ITSN1: variants seen among roughly 807,000 people sequenced by gnomAD.
ITSN1 encodes the protein intersectin 1.
In ITSN1, 58 loss-of-function variants were observed where a neutral mutation model predicts 239.8. The ratio of observed to expected loss-of-function variants is 0.24; its 90% CI spans 0.20 to 0.30. The LOEUF (loss-of-function observed/expected upper bound fraction) is 0.30. ITSN1 is among the 10% of genes least tolerant of loss of function. The pLI, the probability that ITSN1 is intolerant of heterozygous loss-of-function variation, is 1.00. For synonymous variants in ITSN1, 780 were observed against 770.8 expected (o/e 1.01, Z -0.20); for missense variants, 1,558 against 2,103.3 (o/e 0.74, Z 5.07).
At chr21:33,775,728 C>T (rs1039293721) in intron 14 of ITSN1, among the ~76,000 whole-genome samples, 1 of 152,152 alleles carries the variant, frequency 6.6e-6, no homozygotes, top group Non-Finnish European at 1.5e-5. Context: ...ACCTGTAGTC[C>T]ACCAACAGGA....
intron 22 of ITSN1, chr21:33,817,311 G>A: frequency 7.7e-7 from 1 of 1,304,406 alleles, no homozygotes; most frequent in South Asian, 1.2e-5. Flanking sequence ...ACCCCCTGCA[G>A]TGTTCCACCT....
At chr21:33,825,378 A>C (rs1416944410) in intron 25 of ITSN1, among the ~76,000 whole-genome samples, 1 of 152,202 alleles carries the variant, frequency 6.6e-6, no homozygotes, top group Non-Finnish European at 1.5e-5. Flanking sequence ...TGAATACAGA[A>C]TTCAGTGTAA....
At chr21:33,869,054 C>A (rs1025312307) in intron 33 of ITSN1, among the ~76,000 whole-genome samples, 1 of 151,990 alleles carries the variant, frequency 6.6e-6, no homozygotes, top group African/African-American at 2.4e-5. Flanking sequence ...TTCTTAAAGA[C>A]AGGCCCAGTG....
rs2068719369 is a variant in ITSN1, at chr21:33,766,371, A to G, written c.926+359A>G. ...GAGATCACACTTGTGAATTCCACACATTTCAGTGGTAACAAAAGCTGCTAG... is the reference window on the plus strand; with the variant it reads ...GAGATCACACTTGTGAATTCCACACGTTTCAGTGGTAACAAAAGCTGCTAG... On this transcript the variant is annotated intron_variant, in intron 10 of 39. Coordinates refer to ENST00000381318, the MANE Select transcript of ITSN1 (RefSeq NM_003024.3). Among the ~76,000 whole-genome samples the G allele has an allele frequency of 3.3e-5, 5 of 152,358 alleles. No individual in the cohort carries two copies. In the South Asian group the frequency reaches 1.0e-3, roughly 32 times the overall value.
intron 33 of ITSN1, 126 bp from the exon 34 acceptor site, chr21:33,875,228 C>A: frequency 1.0e-6 from 1 of 1,000,160 alleles, no homozygotes; most frequent in African/African-American, 1.6e-5. Flanking sequence ...GCTGCGATTG[C>A]TCAAGTGGGC....
At chr21:33,753,853 G>C (rs552164881) in intron 7 of ITSN1, among the ~76,000 whole-genome samples, 17 of 149,398 alleles carry the variant, frequency 1.1e-4, no homozygotes, top group Admixed American at 4.7e-4. Context: ...TTTGAAATCT[G>C]CTTTATTGAT....
intron 34 of ITSN1, among the ~76,000 whole-genome samples, chr21:33,880,752 G>A (rs911964774): frequency 3.3e-5 from 5 of 152,080 alleles, no homozygotes; most frequent in Non-Finnish European, 7.4e-5. Flanking sequence ...ACAGAGCTCC[G>A]GAGCGCCCCC....
At chr21:33,807,345 C>G (rs1457130220) in intron 20 of ITSN1, among the ~76,000 whole-genome samples, 2 of 152,162 alleles carry the variant, frequency 1.3e-5, no homozygotes, top group African/African-American at 4.8e-5. Flanking sequence ...CTTCAGGTCG[C>G]ATTCCAGATG....
chr21:33,835,352 C>G (rs920333355), intron 28 of ITSN1, among the ~76,000 whole-genome samples: 1 of 152,066 alleles, frequency 6.6e-6, no homozygotes, highest in African/African-American at 2.4e-5. Context: ...CATGTACAGC[C>G]CCTTCCTCAG....
chr21:33,772,037 A>C, intron 11 of ITSN1, 24 bp from the exon 12 acceptor site: 1 of 1,606,192 alleles, frequency 6.2e-7, no homozygotes, highest in Non-Finnish European at 8.5e-7. Context: ...GAGTTTTCAT[A>C]GTTGCTGTGT....
At chr21:33,676,338 T>G (rs1218997644) in intron 1 of ITSN1, among the ~76,000 whole-genome samples, 1 of 152,182 alleles carries the variant, frequency 6.6e-6, no homozygotes, top group Non-Finnish European at 1.5e-5. Flanking sequence ...ACATCCCCTG[T>G]CACTTCAAGA....
intron 22 of ITSN1, among the ~76,000 whole-genome samples, chr21:33,816,501 C>A (rs935920388): frequency 2.0e-5 from 3 of 152,138 alleles, no homozygotes; most frequent in African/African-American, 7.2e-5. Context: ...TAAACAGTTG[C>A]CAAAGCCAGA....
At position 33,888,551 on chromosome 21, in the gene ITSN1, G is replaced by T; in HGVS notation, c.*251G>T. Reference sequence around the variant, plus strand: ...ACTACAGGTCTCATTATGGCTTCTAGGGTCGCTGAAATCCCATAGCCCTCA... The same window carrying T: ...ACTACAGGTCTCATTATGGCTTCTATGGTCGCTGAAATCCCATAGCCCTCA... On this transcript the variant is annotated 3_prime_UTR_variant, in exon 40 of 40. Transcript: ENST00000381318. The T allele has an allele frequency of 2.6e-6, 1 of 389,598 alleles. No homozygotes were observed. Among genetic ancestry groups the T allele is most frequent in the East Asian group, 4.6e-5 (1 of 21,560 alleles). The allele number at this position is 389,598 out of a possible 1,614,324, so 24.1% of individuals were successfully genotyped here.
intron 14 of ITSN1, among the ~76,000 whole-genome samples, chr21:33,779,219 G>T (rs1420611960): frequency 6.7e-6 from 1 of 149,042 alleles, no homozygotes; most frequent in Admixed American, 6.7e-5. Context: ...TTACTTATTT[G>T]GGGTTTAATT....
At chr21:33,855,124 G>T (rs983593888) in intron 29 of ITSN1, among the ~76,000 whole-genome samples, 8 of 152,228 alleles carry the variant, frequency 5.3e-5, no homozygotes, top group African/African-American at 1.9e-4. Flanking sequence ...ATATAGGCTA[G>T]ATCAGTCATG....
At chr21:33,823,128 G>T (rs550229663) in intron 24 of ITSN1, among the ~76,000 whole-genome samples, 4 of 152,342 alleles carry the variant, frequency 2.6e-5, no homozygotes, top group Admixed American at 2.0e-4. Context: ...TAGGTATTGT[G>T]TAACTCTTAG....
At chr21:33,827,693 A>C (rs1432265042) in intron 26 of ITSN1, among the ~76,000 whole-genome samples, 1 of 152,208 alleles carries the variant, frequency 6.6e-6, no homozygotes, top group Admixed American at 6.5e-5. Context: ...GTTTTAGTTT[A>C]TTTCAGTAAA....
At chr21:33,749,444 AC>A (rs1208012246) in intron 5 of ITSN1, among the ~76,000 whole-genome samples, 5 of 152,194 alleles carry the variant, frequency 3.3e-5, no homozygotes, top group African/African-American at 1.2e-4. Context: ...GGAGTTTGAG[AC>A]CATCCTGGCC....
intron 26 of ITSN1, chr21:33,829,224 T>C (rs1417027556): frequency 1.1e-5 from 4 of 356,420 alleles, no homozygotes; most frequent in African/African-American, 8.5e-5. Context: ...AGTAGCACTT[T>C]AGCCATTGGG....
Sources: gnomAD v4.1 joint callset for allele counts (sites outside exome capture counted in the v4.1 genomes callset) on GRCh38, gnomAD v4.1.1 for gene constraint, MANE v1.5 for transcripts, NCBI Gene and HGNC (gene_info 2026-07-23, HGNC 2026-07-21) for gene names.